GALNTL6: variants seen among roughly 807,000 people sequenced by gnomAD.
GALNTL6 encodes the protein polypeptide N-acetylgalactosaminyltransferase-like 6.
GALNTL6 carries 46 observed loss-of-function variants against 73.7 expected under a neutral mutation model. The observed-to-expected ratio is 0.62, with a 90% CI of 0.49 to 0.80. The LOEUF (loss-of-function observed/expected upper bound fraction) is 0.80, where lower values mean the gene tolerates loss of function less well. Among genes scored for constraint, GALNTL6 ranks in the 30% least tolerant of loss-of-function variants. The pLI, the probability that GALNTL6 is intolerant of heterozygous loss-of-function variation, is 0.00. For missense variants in GALNTL6, 604 were observed against 755.0 expected (o/e 0.80, Z 2.34); for synonymous variants, 259 against 263.7 (o/e 0.98, Z 0.17).
chr4:172,266,852 A>C (rs141844156), intron 3 of GALNTL6, among the ~76,000 whole-genome samples: 1 of 151,996 alleles, frequency 6.6e-6, no homozygotes, highest in African/African-American at 2.4e-5. Context: ...TTCTGTCTCT[A>C]TGTCTCTCTT....
intron 5 of GALNTL6, chr4:172,666,702 G>A (rs963742907): frequency 6.6e-6 from 1 of 151,974 alleles, no homozygotes; most frequent in Non-Finnish European, 1.5e-5. Flanking sequence ...GTTTACTATG[G>A]CACACATATT....
chr4:172,488,552 C>A (rs1021353444), intron 5 of GALNTL6, among the ~76,000 whole-genome samples: 2 of 152,162 alleles, frequency 1.3e-5, no homozygotes, highest in Non-Finnish European at 2.9e-5. Context: ...GCTTACCTGG[C>A]AGCTCAGGAA....
intron 2 of GALNTL6, among the ~76,000 whole-genome samples, chr4:172,137,112 AG>A (rs1733657908): frequency 6.6e-6 from 1 of 152,150 alleles, no homozygotes; most frequent in Non-Finnish European, 1.5e-5. Flanking sequence ...CTTAGAGACT[AG>A]AATAAATGAA....
chr4:172,578,567 G>A (rs190743795), intron 5 of GALNTL6, among the ~76,000 whole-genome samples: 13 of 152,266 alleles, frequency 8.5e-5, no homozygotes, highest in Admixed American at 8.5e-4. Flanking sequence ...CAATAGCAGT[G>A]GCCTCTTGGG....
At chr4:172,206,805 GTTTTTTTTGTTTGTT>G (rs1217929022) in intron 2 of GALNTL6, among the ~76,000 whole-genome samples, 1 of 26,130 alleles carries the variant, frequency 3.8e-5, no homozygotes, top group Non-Finnish European at 8.4e-5. Flanking sequence ...TTGTTTTTCT[GTTTTTTTTGTTTGTT>G]TTTTTTTTTT....
At chr4:172,198,300 AATCCTATC>A (rs1253310790) in intron 2 of GALNTL6, among the ~76,000 whole-genome samples, 1 of 151,988 alleles carries the variant, frequency 6.6e-6, no homozygotes, top group Admixed American at 6.6e-5. Context: ...ATAAAACAAA[AATCCTATC>A]ATCAGCGCAA....
intron 2 of GALNTL6, among the ~76,000 whole-genome samples, chr4:171,896,172 T>C (rs1361996058): frequency 6.6e-6 from 1 of 152,252 alleles, no homozygotes; most frequent in Non-Finnish European, 1.5e-5. Context: ...ATATTACAGA[T>C]TTAATGAAGA....
At chr4:172,541,278 G>C (rs1359211050) in intron 5 of GALNTL6, among the ~76,000 whole-genome samples, 2 of 151,776 alleles carry the variant, frequency 1.3e-5, no homozygotes, top group Non-Finnish European at 2.9e-5. Flanking sequence ...CAAATCATAT[G>C]TTTTGTTAGT....
intron 5 of GALNTL6, among the ~76,000 whole-genome samples, chr4:172,609,738 A>G (rs762346514): frequency 4.7e-5 from 7 of 149,090 alleles, no homozygotes; most frequent in Non-Finnish European, 7.4e-5. Flanking sequence ...CTCCTCTTCA[A>G]ATTTTTTGGA....
chr4:172,298,724 A>G (rs1211060084), intron 3 of GALNTL6, among the ~76,000 whole-genome samples: 2 of 152,140 alleles, frequency 1.3e-5, no homozygotes, highest in Non-Finnish European at 2.9e-5. Flanking sequence ...AGCCCACTTG[A>G]TCATGGTGGA....
chr4:172,601,243 A>G (rs1025191470), intron 5 of GALNTL6, among the ~76,000 whole-genome samples: 1 of 152,188 alleles, frequency 6.6e-6, no homozygotes, highest in African/African-American at 2.4e-5. Context: ...AGCAATAGAA[A>G]CTAATCTGAA....
intron 5 of GALNTL6, among the ~76,000 whole-genome samples, chr4:172,634,059 T>A (rs753818000): frequency 1.3e-5 from 2 of 152,216 alleles, no homozygotes; most frequent in Non-Finnish European, 2.9e-5. Flanking sequence ...TCATAACTTA[T>A]CTAATGTAGC....
At chr4:172,861,848 G>T (rs1376295492) in intron 7 of GALNTL6, among the ~76,000 whole-genome samples, 1 of 152,176 alleles carries the variant, frequency 6.6e-6, no homozygotes. Flanking sequence ...TGTGAGGCCT[G>T]CCCAGCCATG....
intron 8 of GALNTL6, among the ~76,000 whole-genome samples, chr4:172,896,003 G>A (rs1746309254): frequency 6.6e-6 from 1 of 152,102 alleles, no homozygotes; most frequent in Middle Eastern, 3.2e-3. Context: ...AAATTTCTCT[G>A]ATAAATTTTT....
intron 2 of GALNTL6, among the ~76,000 whole-genome samples, chr4:171,853,592 A>T (rs1473128181): frequency 7.8e-4 from 42 of 53,892 alleles, no homozygotes; most frequent in Admixed American, 1.3e-3. Flanking sequence ...TCTTTTGTTT[A>T]GCCACTCTTT....
At chr4:172,606,147 A>G (rs1738247898) in intron 5 of GALNTL6, among the ~76,000 whole-genome samples, 1 of 152,192 alleles carries the variant, frequency 6.6e-6, no homozygotes, top group Non-Finnish European at 1.5e-5. Flanking sequence ...GAGCCTTGTG[A>G]GCCATAATAT....
intron 2 of GALNTL6, among the ~76,000 whole-genome samples, chr4:171,976,797 T>C (rs1336413795): frequency 6.6e-6 from 1 of 152,146 alleles, no homozygotes; most frequent in Non-Finnish European, 1.5e-5. Context: ...AAATGGAAGA[T>C]GTCATTCATA....
At chr4:171,975,615 A>G (rs1285592083) in intron 2 of GALNTL6, among the ~76,000 whole-genome samples, 2 of 152,148 alleles carry the variant, frequency 1.3e-5, no homozygotes, top group African/African-American at 2.4e-5. Flanking sequence ...AGAAAGTCAT[A>G]CTGGGTGGAC....
chr4:172,465,030 T>C (rs940246094), intron 5 of GALNTL6, among the ~76,000 whole-genome samples: 1 of 152,186 alleles, frequency 6.6e-6, no homozygotes, highest in African/African-American at 2.4e-5. Context: ...ACAATACTGA[T>C]TTTTATTTCC....
Sources: gnomAD v4.1 joint callset for allele counts (sites outside exome capture counted in the v4.1 genomes callset) on GRCh38, gnomAD v4.1.1 for gene constraint, MANE v1.5 for transcripts, NCBI Gene and HGNC (gene_info 2026-07-23, HGNC 2026-07-21) for gene names.